Variants in PIK3R3 observed in about 807,000 individuals in gnomAD.
PIK3R3 encodes phosphoinositide-3-kinase regulatory subunit 3, also known as phosphatidylinositol 3-kinase regulatory subunit gamma.
A neutral mutation model predicts 62.9 loss-of-function variants in PIK3R3; 64 were observed. The ratio of observed to expected loss-of-function variants is 1.02; its 90% CI spans 0.83 to 1.25. The LOEUF is 1.25. Among genes scored for constraint, PIK3R3 ranks in the 50% most tolerant of loss-of-function variants. The pLI is 0.00. For synonymous variants in PIK3R3, 165 were observed against 189.0 expected (o/e 0.87, Z 1.04); for missense variants, 614 against 561.6 (o/e 1.09, Z -0.94).
the PIK3R3 span, among the ~76,000 whole-genome samples, chr1:46,144,430 C>T: frequency 1.3e-5 from 2 of 152,108 alleles, no homozygotes; most frequent in African/African-American, 4.8e-5. Flanking sequence ...TACCATATGT[C>T]AAAATACTTG....
upstream of PIK3R3, chr1:46,132,956 C>G: frequency 2.7e-6 from 3 of 1,122,758 alleles, no homozygotes; most frequent in Non-Finnish European, 3.3e-6. Context: ...GGAGTCAGTG[C>G]CGGGAGCACG....
the PIK3R3 span, among the ~76,000 whole-genome samples, chr1:46,162,599 T>C: frequency 2.6e-5 from 4 of 152,150 alleles, no homozygotes; most frequent in African/African-American, 9.7e-5. Context: ...GATTTCCATA[T>C]ATAAAAAATT....
chr1:46,130,490 A>G (rs1362153351), intron 1 of PIK3R3, among the ~76,000 whole-genome samples: 1 of 152,176 alleles, frequency 6.6e-6, no homozygotes. Context: ...AAAAAATTCT[A>G]AGTGATCATC....
chr1:46,046,294 A>G (rs1339390822), intron 8 of PIK3R3, among the ~76,000 whole-genome samples: 2 of 152,182 alleles, frequency 1.3e-5, no homozygotes, highest in Non-Finnish European at 2.9e-5. Context: ...ACATCTGAAT[A>G]AAAGTGCTTT....
chr1:46,079,807 A>C (rs1489290154), intron 2 of PIK3R3, among the ~76,000 whole-genome samples: 1 of 151,890 alleles, frequency 6.6e-6, no homozygotes, highest in Non-Finnish European at 1.5e-5. Flanking sequence ...TACAAAAACT[A>C]GCAGGGTATG....
chr1:46,080,222 C>T (rs1334500225), intron 2 of PIK3R3, among the ~76,000 whole-genome samples: 3 of 151,604 alleles, frequency 2.0e-5, no homozygotes, highest in Non-Finnish European at 4.4e-5. Flanking sequence ...CCAACATGCC[C>T]AGCTAATTTT....
intron 9 of PIK3R3, among the ~76,000 whole-genome samples, 157 bp downstream of exon 9, chr1:46,045,761 T>C (rs909376789): frequency 2.6e-5 from 4 of 151,816 alleles, no homozygotes. Context: ...ATATCATTTC[T>C]CATAAAGCTG....
At chr1:46,159,728 A>G in the PIK3R3 span, among the ~76,000 whole-genome samples, 3 of 136,916 alleles carry the variant, frequency 2.2e-5, no homozygotes, top group African/African-American at 5.9e-5. Context: ...AACCCTCTCT[A>G]TGAGTACCAT....
At chr1:46,152,971 T>A in the PIK3R3 span, among the ~76,000 whole-genome samples, 1 of 152,210 alleles carries the variant, frequency 6.6e-6, no homozygotes, top group Non-Finnish European at 1.5e-5. Flanking sequence ...CACGGTCTTT[T>A]CAATTTTATG....
chr1:46,142,615 G>A, the PIK3R3 span, among the ~76,000 whole-genome samples: 1 of 151,936 alleles, frequency 6.6e-6, no homozygotes, highest in African/African-American at 2.4e-5. Flanking sequence ...GGAGAATGGT[G>A]TGAACCCGGG....
intron 6 of PIK3R3, among the ~76,000 whole-genome samples, chr1:46,057,841 A>C (rs1276092284): frequency 6.6e-6 from 1 of 151,582 alleles, no homozygotes; most frequent in Non-Finnish European, 1.5e-5. Context: ...TGACAATGCA[A>C]TAGAAAATAA....
At chr1:46,078,017 T>C (rs1650229539) in intron 2 of PIK3R3, among the ~76,000 whole-genome samples, 1 of 152,166 alleles carries the variant, frequency 6.6e-6, no homozygotes. Flanking sequence ...GGGGGAAAAT[T>C]CACTAAGTTC....
At chr1:46,054,397 C>CAAAAA (rs10649671) in intron 7 of PIK3R3, among the ~76,000 whole-genome samples, 220 of 79,354 alleles carry the variant, frequency 2.8e-3, no homozygotes, top group Non-Finnish European at 3.6e-3. Flanking sequence ...CTCCGCCTCA[C>CAAAAA]AAAAAAAAAA....
the PIK3R3 span, among the ~76,000 whole-genome samples, chr1:46,165,751 C>CTTTTTTTTTT: frequency 1.2e-3 from 47 of 39,554 alleles, 20 homozygotes; most frequent in Non-Finnish European, 1.7e-3. Context: ...CTGCTTTGTC[C>CTTTTTTTTTT]TTTTTTTTTT....
intron 1 of PIK3R3, among the ~76,000 whole-genome samples, chr1:46,127,993 A>G (rs909663327): frequency 1.3e-5 from 2 of 152,252 alleles, no homozygotes; most frequent in South Asian, 2.1e-4. Flanking sequence ...TAGATACACC[A>G]ATCCATGCAG....
At chr1:46,066,773 AG>A in intron 4 of PIK3R3, 137 bp downstream of exon 4, 1 of 746,108 alleles carries the variant, frequency 1.3e-6, no homozygotes. Flanking sequence ...CCTGGGCAAC[AG>A]AGACCCTGTC....
the PIK3R3 span, among the ~76,000 whole-genome samples, chr1:46,144,474 A>C: frequency 1.3e-5 from 2 of 152,196 alleles, no homozygotes; most frequent in African/African-American, 4.8e-5. Context: ...TTAAATAAAA[A>C]ATACTCAATC....
At chr1:46,116,243 G>T (rs1320558969) in intron 1 of PIK3R3, among the ~76,000 whole-genome samples, 5 of 152,158 alleles carry the variant, frequency 3.3e-5, no homozygotes, top group Non-Finnish European at 7.3e-5. Flanking sequence ...AGGCACAGTG[G>T]CTCATGCCTA....
At chr1:46,081,438 A>G (rs75381602) in intron 1 of PIK3R3, among the ~76,000 whole-genome samples, 5,056 of 152,248 alleles carry the variant, frequency 0.033, 283 homozygotes, top group African/African-American at 0.12. Context: ...GCAAGTGAAC[A>G]TTACTGCCTG....
Sources: allele counts gnomAD v4.1 joint callset (sites outside exome capture counted in the v4.1 genomes callset), GRCh38; gene constraint gnomAD v4.1.1; transcripts MANE v1.5; gene names NCBI Gene and HGNC (gene_info 2026-07-23, HGNC 2026-07-21).